The following ABTB3 variants were observed in gnomAD, a reference collection of about 807,000 sequenced individuals.
The protein encoded by ABTB3 is ankyrin repeat and BTB domain containing 3.
the ABTB3 span, among the ~76,000 whole-genome samples, chr12:107,424,994 G>T: frequency 6.6e-6 from 1 of 152,142 alleles, no homozygotes; most frequent in African/African-American, 2.4e-5. Context: ...CACTCCAGTG[G>T]TCCATGCTGC....
chr12:107,601,409 C>T, the ABTB3 span, among the ~76,000 whole-genome samples: 1 of 151,584 alleles, frequency 6.6e-6, no homozygotes, highest in Non-Finnish European at 1.5e-5. Context: ...GGCTATTTAG[C>T]ACCGTGTGTG....
the ABTB3 span, among the ~76,000 whole-genome samples, chr12:107,589,869 TTGG>T: frequency 2.0e-5 from 3 of 152,204 alleles, no homozygotes; most frequent in Non-Finnish European, 4.4e-5. Flanking sequence ...AGGAAGTGTG[TTGG>T]TGGTACTATA....
the ABTB3 span, among the ~76,000 whole-genome samples, chr12:107,543,002 G>A: frequency 6.6e-6 from 1 of 152,122 alleles, no homozygotes; most frequent in African/African-American, 2.4e-5. Flanking sequence ...AGCCTGCATT[G>A]TTCAAGGGTG....
the ABTB3 span, among the ~76,000 whole-genome samples, chr12:107,324,806 C>T: frequency 6.6e-6 from 1 of 151,950 alleles, no homozygotes; most frequent in African/African-American, 2.4e-5. Context: ...AAGGGCAGAC[C>T]AGAAGAGGCA....
At chr12:107,320,234 C>T in the ABTB3 span, among the ~76,000 whole-genome samples, 2 of 152,180 alleles carry the variant, frequency 1.3e-5, no homozygotes, top group East Asian at 1.9e-4. Flanking sequence ...CAAGAGGTTG[C>T]CTGTTTGCTC....
the ABTB3 span, among the ~76,000 whole-genome samples, chr12:107,524,258 T>TA: frequency 5.9e-5 from 9 of 152,204 alleles, no homozygotes; most frequent in Admixed American, 3.9e-4. Flanking sequence ...AGCACTTTGA[T>TA]AAGTCACGTC....
chr12:107,438,455 T>C, the ABTB3 span, among the ~76,000 whole-genome samples: 1 of 152,204 alleles, frequency 6.6e-6, no homozygotes, highest in Non-Finnish European at 1.5e-5. Context: ...CTGGTGGAGC[T>C]GTGTGTGAAT....
At chr12:107,551,373 C>G in the ABTB3 span, among the ~76,000 whole-genome samples, 1 of 152,184 alleles carries the variant, frequency 6.6e-6, no homozygotes, top group African/African-American at 2.4e-5. Context: ...AAATTATTGA[C>G]CCAAAAAGCA....
chr12:107,520,447 T>A, the ABTB3 span: 1 of 1,598,326 alleles, frequency 6.3e-7, no homozygotes, highest in African/African-American at 1.3e-5. Flanking sequence ...AAAATAACAA[T>A]CTGTTTTCCT....
the ABTB3 span, among the ~76,000 whole-genome samples, chr12:107,457,725 C>T: frequency 6.6e-6 from 1 of 152,254 alleles, no homozygotes; most frequent in Non-Finnish European, 1.5e-5. Flanking sequence ...ATGGCCTCAG[C>T]TGCCTGTTGC....
the ABTB3 span, among the ~76,000 whole-genome samples, chr12:107,638,020 G>A: frequency 1.4e-4 from 21 of 152,054 alleles, no homozygotes; most frequent in African/African-American, 4.1e-4. Flanking sequence ...ATGAGTTTTC[G>A]TCAACTCTCA....
At chr12:107,475,721 T>A in the ABTB3 span, among the ~76,000 whole-genome samples, 595 of 152,270 alleles carry the variant, frequency 3.9e-3, 4 homozygotes, top group African/African-American at 0.014. Context: ...TTTTCTTTTT[T>A]TTTTAATGAG....
chr12:107,560,994 C>T, the ABTB3 span, among the ~76,000 whole-genome samples: 6 of 152,284 alleles, frequency 3.9e-5, no homozygotes, highest in African/African-American at 1.2e-4. Context: ...GTGAGGAATT[C>T]GGTCAAGAGT....
chr12:107,594,391 A>G, the ABTB3 span, among the ~76,000 whole-genome samples: 1 of 152,280 alleles, frequency 6.6e-6, no homozygotes, highest in South Asian at 2.1e-4. Context: ...GTTTTACCTT[A>G]TCTAAGCCAG....
At chr12:107,636,499 G>A in the ABTB3 span, among the ~76,000 whole-genome samples, 1 of 152,130 alleles carries the variant, frequency 6.6e-6, no homozygotes, top group Non-Finnish European at 1.5e-5. Flanking sequence ...AATTTGAAAG[G>A]GATGAGCCAG....
the ABTB3 span, among the ~76,000 whole-genome samples, chr12:107,392,869 A>C: frequency 1.2e-3 from 182 of 152,304 alleles, 3 homozygotes; most frequent in South Asian, 5.6e-3. Context: ...TTTTGTAAAG[A>C]GTTTCTCTGA....
At chr12:107,623,664 G>A in the ABTB3 span, among the ~76,000 whole-genome samples, 13 of 152,092 alleles carry the variant, frequency 8.5e-5, no homozygotes, top group Non-Finnish European at 1.9e-4. Context: ...ACCACATCCG[G>A]CCTCTAGCTT....
At chr12:107,384,863 C>T in the ABTB3 span, among the ~76,000 whole-genome samples, 1 of 152,232 alleles carries the variant, frequency 6.6e-6, no homozygotes, top group East Asian at 1.9e-4. Flanking sequence ...GGAGGCATTG[C>T]TGACTGAGCA....
chr12:107,568,425 T>G, the ABTB3 span, among the ~76,000 whole-genome samples: 927 of 152,272 alleles, frequency 6.1e-3, 6 homozygotes, highest in Middle Eastern at 0.024. Context: ...CCCTTCCCAC[T>G]ACCCTACTTG....
Sources: gnomAD v4.1 joint callset for allele counts (sites outside exome capture counted in the v4.1 genomes callset) on GRCh38, gnomAD v4.1.1 for gene constraint, MANE v1.5 for transcripts, NCBI Gene and HGNC (gene_info 2026-07-23, HGNC 2026-07-21) for gene names.